Variants in SEMA6D observed in about 807,000 individuals in gnomAD.
The protein encoded by SEMA6D is semaphorin 6D, also known as semaphorin-6D.
Under a neutral mutation model 106.6 loss-of-function variants are expected in SEMA6D, and 35 were observed. That is an observed-to-expected ratio of 0.33 (90% CI 0.25 to 0.44). SEMA6D has a LOEUF of 0.44. Among genes scored for constraint, SEMA6D ranks in the 20% least tolerant of loss-of-function variants. The pLI is 1.00. For missense variants in SEMA6D, 1,185 were observed against 1,345.9 expected (o/e 0.88, Z 1.87); for synonymous variants, 499 against 487.7 (o/e 1.02, Z -0.31).
intron 1 of SEMA6D, among the ~76,000 whole-genome samples, chr15:47,388,775 C>CATA (rs1386067112): frequency 6.7e-6 from 1 of 148,836 alleles, no homozygotes; most frequent in Non-Finnish European, 1.5e-5. Context: ...TAGGAGGAGG[C>CATA]ATAATGGAGA....
upstream of SEMA6D, among the ~76,000 whole-genome samples, chr15:47,714,158 A>G (rs1309632416): frequency 1.3e-5 from 2 of 152,188 alleles, no homozygotes; most frequent in African/African-American, 4.8e-5. Context: ...CTGGGTTTCA[A>G]TCCAGACTAA....
chr15:47,552,841 T>TATAA (rs1181821113), intron 3 of SEMA6D, among the ~76,000 whole-genome samples: 7 of 36,704 alleles, frequency 1.9e-4, no homozygotes, highest in African/African-American at 7.8e-4. Flanking sequence ...TATATATATA[T>TATAA]AAATATATAT....
At chr15:47,516,484 T>C (rs1377618946) in intron 3 of SEMA6D, among the ~76,000 whole-genome samples, 1 of 152,196 alleles carries the variant, frequency 6.6e-6, no homozygotes, top group East Asian at 1.9e-4. Flanking sequence ...TGAGTGGATT[T>C]AACAAAAGCC....
chr15:47,507,349 AC>A (rs1229619323), intron 3 of SEMA6D, among the ~76,000 whole-genome samples: 5 of 59,318 alleles, frequency 8.4e-5, no homozygotes, highest in African/African-American at 1.8e-4. Flanking sequence ...ACCCCCCCCC[AC>A]CCCCCCGGGC....
intron 2 of SEMA6D, among the ~76,000 whole-genome samples, chr15:47,463,621 A>T (rs937249607): frequency 1.3e-5 from 2 of 152,190 alleles, no homozygotes; most frequent in South Asian, 2.1e-4. Context: ...GCCCAAAGGG[A>T]ACACACCTTA....
At chr15:47,211,005 T>C (rs907216830) in intron 1 of SEMA6D, among the ~76,000 whole-genome samples, 2 of 152,118 alleles carry the variant, frequency 1.3e-5, no homozygotes, top group Non-Finnish European at 2.9e-5. Flanking sequence ...CACATGTATA[T>C]AATTAGAAAT....
At chr15:47,552,495 T>C (rs1442289635) in intron 3 of SEMA6D, among the ~76,000 whole-genome samples, 2 of 131,588 alleles carry the variant, frequency 1.5e-5, no homozygotes, top group Admixed American at 1.7e-4. Flanking sequence ...TCTGTGTGTG[T>C]ATATATATGT....
chr15:47,360,063 A>G (rs2038743666), intron 1 of SEMA6D: 1 of 151,914 alleles, frequency 6.6e-6, no homozygotes, highest in South Asian at 2.1e-4. Flanking sequence ...AGCCTTCTAC[A>G]CAAGGACATA....
intron 2 of SEMA6D, among the ~76,000 whole-genome samples, chr15:47,455,060 C>T (rs946952588): frequency 9.2e-5 from 14 of 151,798 alleles, no homozygotes; most frequent in African/African-American, 3.1e-4. Flanking sequence ...ATGGTAAGCA[C>T]TCAATAAATG....
rs148997989 is a variant in SEMA6D at position 47,246,550 on chromosome 15, A to C, written c.-239+62132A>C. On this transcript the variant is annotated intron_variant, in intron 1 of 19. Coordinates refer to the SEMA6D transcript ENST00000558014. ...ATTTCCTTGCTTTTCCAGCTTCCGG[A>C]AACTACTTACATTCCTTGACACATG... 2.2e-4 allele frequency among the ~76,000 whole-genome samples: 33 copies of C among 152,300 alleles called. No individual in the cohort carries two copies. The East Asian group carries it at 6.4e-3, about 29-fold the overall frequency.
intron 4 of SEMA6D, among the ~76,000 whole-genome samples, chr15:47,681,136 A>G (rs1164458041): frequency 6.6e-6 from 1 of 152,234 alleles, no homozygotes; most frequent in Admixed American, 6.5e-5. Context: ...TTGCACTCCA[A>G]TGTCCACTGC....
Position 47,773,209 on chromosome 15 carries a change from A to C in SEMA6D, c.*1424A>C, listed in dbSNP as rs545095332. On this transcript the variant is annotated 3_prime_UTR_variant, in exon 19 of 19. Transcript: ENST00000536845. ...AAAGACTCTTTTCAAAAAATCACAG[A>C]AACAACCTAGGACAATTATTTGTTA... 7.9e-5 allele frequency: 12 copies of C among 152,760 alleles called. No individual in the cohort carries two copies. Among genetic ancestry groups the C allele is most frequent in the Non-Finnish European group, 1.6e-4 (11 of 68,032 alleles). 9.5% of individuals were successfully genotyped at this position (152,760 alleles called of 1,614,324 possible). A position where few individuals can be genotyped will look rare whatever the true frequency, so the allele number is the denominator to read the frequency against.
chr15:47,326,904 G>C (rs2037156241), intron 1 of SEMA6D, among the ~76,000 whole-genome samples: 1 of 152,098 alleles, frequency 6.6e-6, no homozygotes. Context: ...TAAATACATA[G>C]CTCAGATTCT....
intron 1 of SEMA6D, among the ~76,000 whole-genome samples, chr15:47,188,547 T>G (rs1000824197): frequency 1.3e-5 from 2 of 152,322 alleles, no homozygotes; most frequent in African/African-American, 4.8e-5. Flanking sequence ...TGATTACATT[T>G]TCTTTTTGCT....
At chr15:47,338,090 G>A (rs1165856513) in intron 1 of SEMA6D, among the ~76,000 whole-genome samples, 2 of 152,184 alleles carry the variant, frequency 1.3e-5, no homozygotes, top group Non-Finnish European at 1.5e-5. Context: ...ATGGACTGAG[G>A]AGAAGGCACT....
chr15:47,451,574 A>G (rs892014785), intron 2 of SEMA6D, among the ~76,000 whole-genome samples: 6 of 152,070 alleles, frequency 3.9e-5, no homozygotes, highest in African/African-American at 1.4e-4. Context: ...GAAAGGTTAC[A>G]TAGGAGAGCA....
intron 1 of SEMA6D, among the ~76,000 whole-genome samples, chr15:47,729,566 A>C (rs1041704493): frequency 6.6e-6 from 1 of 152,212 alleles, no homozygotes; most frequent in Non-Finnish European, 1.5e-5. Context: ...CCCTTGGCAG[A>C]TTGGATGGGG....
intron 1 of SEMA6D, among the ~76,000 whole-genome samples, chr15:47,750,025 G>A (rs1217727422): frequency 1.3e-5 from 2 of 152,234 alleles, no homozygotes; most frequent in Admixed American, 6.5e-5. Flanking sequence ...TGGCAATTAG[G>A]TGGTTGATGC....
At chr15:47,499,128 G>T (rs554976143) in intron 3 of SEMA6D, among the ~76,000 whole-genome samples, 2 of 152,006 alleles carry the variant, frequency 1.3e-5, no homozygotes, top group African/African-American at 4.8e-5. Flanking sequence ...TTATATATTG[G>T]TACTTTCAGA....
Sources: gnomAD v4.1 joint callset for allele counts (sites outside exome capture counted in the v4.1 genomes callset) on GRCh38, gnomAD v4.1.1 for gene constraint, MANE v1.5 for transcripts, NCBI Gene and HGNC (gene_info 2026-07-23, HGNC 2026-07-21) for gene names.